TTC29: variants seen among roughly 807,000 people sequenced by gnomAD.
TTC29 encodes the protein tetratricopeptide repeat protein 29.
In TTC29, 49 loss-of-function variants were observed where a neutral mutation model predicts 58.1. The ratio of observed to expected loss-of-function variants is 0.84; its 90% CI spans 0.67 to 1.07. TTC29 has a LOEUF of 1.07. Ranked by LOEUF, TTC29 falls within the 50% of genes least tolerant of loss-of-function variation. The pLI, the probability that TTC29 is intolerant of heterozygous loss-of-function variation, is 0.00. For missense variants in TTC29, 582 were observed against 555.6 expected, an observed-to-expected ratio of 1.05 and a Z score of -0.48; for synonymous variants, 209 against 196.8, an observed-to-expected ratio of 1.06 and a Z score of -0.52.
At chr4:146,746,340 T>C (rs1308298399) in intron 11 of TTC29, among the ~76,000 whole-genome samples, 1 of 152,198 alleles carries the variant, frequency 6.6e-6, no homozygotes, top group Non-Finnish European at 1.5e-5. Flanking sequence ...GAATAGACAG[T>C]TGCATTAAGA....
chr4:146,857,055 T>A (rs887815702), intron 8 of TTC29, among the ~76,000 whole-genome samples: 1 of 141,090 alleles, frequency 7.1e-6, no homozygotes, highest in Non-Finnish European at 1.5e-5. Flanking sequence ...ATATGGAATA[T>A]ATTTTTATAC....
At chr4:146,850,181 T>C (rs554830455) in intron 8 of TTC29, among the ~76,000 whole-genome samples, 2 of 152,192 alleles carry the variant, frequency 1.3e-5, no homozygotes, top group Non-Finnish European at 2.9e-5. Flanking sequence ...TCCAAAACTA[T>C]GTTCTTAAGA....
intron 8 of TTC29, among the ~76,000 whole-genome samples, chr4:146,848,556 C>G (rs1041438655): frequency 6.6e-6 from 1 of 152,168 alleles, no homozygotes; most frequent in African/African-American, 2.4e-5. Context: ...CTTTGATCAG[C>G]TCTGAAATAA....
At chr4:146,865,484 C>G (rs764906534) in intron 8 of TTC29, among the ~76,000 whole-genome samples, 2 of 152,110 alleles carry the variant, frequency 1.3e-5, no homozygotes, top group African/African-American at 2.4e-5. Flanking sequence ...ACCTTGGGTA[C>G]TCATGGACAT....
In TTC29 at chr4:146,757,396, C is replaced by T. The variant is rs7691011; in HGVS notation, c.1330+46061G>A. Reference sequence around the variant, plus strand: ...AGTACTGTGATGTGAAATATCTATGCGTCTCTCAGCCGTGGATACCAGTGC... The same window carrying T: ...AGTACTGTGATGTGAAATATCTATGTGTCTCTCAGCCGTGGATACCAGTGC... On this transcript the variant is annotated intron_variant, in intron 11 of 12. Coordinates refer to ENST00000325106, the MANE Select transcript of TTC29 (RefSeq NM_031956.4). Among the ~76,000 whole-genome samples the T allele has an allele frequency of 3.3e-3, 496 of 152,174 alleles. 5 individuals are homozygous for T. Among genetic ancestry groups the T allele is most frequent in the African/African-American group, 0.011 (470 of 41,524 alleles).
Position 146,874,798 on chromosome 4 carries a change from T to G in TTC29, c.717A>C (p.Leu239Phe). ...ACESLLRTYR[L>F]LSDKMLENKE... is the part of the protein sequence containing the mutation. ...TATTTTCTAGCATTTTGTCTGAGAGTAATCTGTAAGTCCTCAGGAGACTCT... is the reference window on the plus strand; with the variant it reads ...TATTTTCTAGCATTTTGTCTGAGAGGAATCTGTAAGTCCTCAGGAGACTCT... The change falls in exon 7 of 13, where the codon TTA (leucine) becomes TTC (phenylalanine). Residue 239 changes from leucine (L) to phenylalanine (F), a missense_variant. Transcript: ENST00000325106. 6.2e-7 allele frequency: 1 copy of G among 1,612,472 alleles called. No homozygotes were observed. Among genetic ancestry groups the G allele is most frequent in the Non-Finnish European group, 8.5e-7 (1 of 1,179,370 alleles).
chr4:146,720,804 G>A (rs895930892), intron 11 of TTC29, among the ~76,000 whole-genome samples: 1 of 152,048 alleles, frequency 6.6e-6, no homozygotes, highest in African/African-American at 2.4e-5. Flanking sequence ...AATGATGCAA[G>A]TTTAAAACTG....
At chr4:146,802,616 T>G (rs532863342) in intron 11 of TTC29, among the ~76,000 whole-genome samples, 7 of 152,336 alleles carry the variant, frequency 4.6e-5, no homozygotes, top group Admixed American at 3.9e-4. Flanking sequence ...CAAAATAGAT[T>G]GTTGTTTCAT....
At chr4:146,831,061 C>A (rs574543432) in intron 9 of TTC29, among the ~76,000 whole-genome samples, 1 of 152,218 alleles carries the variant, frequency 6.6e-6, no homozygotes, top group South Asian at 2.1e-4. Context: ...CCTCTATAAC[C>A]AACAACAATG....
At chr4:146,905,214 A>G (rs1733442352) in intron 5 of TTC29, among the ~76,000 whole-genome samples, 1 of 152,094 alleles carries the variant, frequency 6.6e-6, no homozygotes. Flanking sequence ...ATACAACACT[A>G]AAGTCTGTTT....
chr4:146,755,871 G>T (rs1196485263), intron 11 of TTC29, among the ~76,000 whole-genome samples: 1 of 152,034 alleles, frequency 6.6e-6, no homozygotes, highest in Non-Finnish European at 1.5e-5. Context: ...TTTGGAAGCT[G>T]CAACCCCAAA....
At chr4:146,878,428 T>C (rs1419428850) in intron 6 of TTC29, among the ~76,000 whole-genome samples, 2 of 152,174 alleles carry the variant, frequency 1.3e-5, no homozygotes, top group African/African-American at 4.8e-5. Context: ...ACACATTAAC[T>C]TAATGAACAT....
chr4:146,930,895 C>T (rs1470415733), intron 4 of TTC29, among the ~76,000 whole-genome samples: 1 of 152,156 alleles, frequency 6.6e-6, no homozygotes, highest in African/African-American at 2.4e-5. Context: ...AAAGGAATTT[C>T]CCAAATGGTT....
chr4:146,898,684 G>T (rs1361845650), intron 6 of TTC29, among the ~76,000 whole-genome samples: 1 of 152,154 alleles, frequency 6.6e-6, no homozygotes, highest in East Asian at 1.9e-4. Flanking sequence ...TATCATCCAA[G>T]AGGACATCTA....
chr4:146,937,195 G>C (rs1047547011), intron 4 of TTC29, among the ~76,000 whole-genome samples: 19 of 151,968 alleles, frequency 1.3e-4, no homozygotes, highest in African/African-American at 4.6e-4. Flanking sequence ...GGGTGGAAAA[G>C]GAGACATATT....
chr4:146,833,064 C>T (rs1207274224), intron 9 of TTC29, among the ~76,000 whole-genome samples: 1 of 152,114 alleles, frequency 6.6e-6, no homozygotes, highest in Non-Finnish European at 1.5e-5. Flanking sequence ...GAACTTAATA[C>T]AATCTATATT....
intron 11 of TTC29, among the ~76,000 whole-genome samples, chr4:146,794,011 T>A (rs1013466083): frequency 9.2e-5 from 14 of 152,200 alleles, no homozygotes; most frequent in African/African-American, 2.7e-4. Flanking sequence ...TATAATTGTG[T>A]GCCCAAACTT....
intron 6 of TTC29, among the ~76,000 whole-genome samples, chr4:146,894,840 T>C (rs959272244): frequency 2.6e-5 from 4 of 152,162 alleles, no homozygotes; most frequent in Non-Finnish European, 5.9e-5. Flanking sequence ...TTGTTCTTTT[T>C]TTCCCCCAAC....
intron 11 of TTC29, among the ~76,000 whole-genome samples, chr4:146,801,871 C>T (rs1460768771): frequency 6.9e-6 from 1 of 145,910 alleles, no homozygotes; most frequent in Non-Finnish European, 1.5e-5. Context: ...CCCAGCTCCT[C>T]AGGAGGCTGA....
Sources: allele counts gnomAD v4.1 joint callset (sites outside exome capture counted in the v4.1 genomes callset), GRCh38; gene constraint gnomAD v4.1.1; transcripts MANE v1.5; gene names NCBI Gene and HGNC (gene_info 2026-07-23, HGNC 2026-07-21).